ADGRV1: variants seen among roughly 807,000 people sequenced by gnomAD.
ADGRV1 encodes the protein adhesion G protein-coupled receptor V1.
Under a neutral mutation model 596.2 loss-of-function variants are expected in ADGRV1, and 359 were observed. The ratio of observed to expected loss-of-function variants is 0.60; its 90% CI spans 0.55 to 0.66. ADGRV1 has a LOEUF of 0.66. Among genes scored for constraint, ADGRV1 ranks in the 30% least tolerant of loss-of-function variants. The probability of loss-of-function intolerance (pLI) is 0.00; values close to 1 mark genes in which losing one functional copy is unlikely to be tolerated. For missense variants in ADGRV1, 7,274 were observed against 7,575.6 expected (o/e 0.96, Z 1.48); for synonymous variants, 2,681 against 2,679.2 (o/e 1.00, Z -0.02).
At chr5:91,163,184 G>A (rs1001455699) in intron 89 of ADGRV1, among the ~76,000 whole-genome samples, 8 of 152,220 alleles carry the variant, frequency 5.3e-5, no homozygotes, top group Non-Finnish European at 7.3e-5. Flanking sequence ...GTAGTTAACA[G>A]TAACTACTGT....
At chr5:91,159,526 T>A (rs1796767066) in intron 89 of ADGRV1, among the ~76,000 whole-genome samples, 2 of 152,206 alleles carry the variant, frequency 1.3e-5, no homozygotes, top group Admixed American at 6.5e-5. Context: ...GAAAACACTA[T>A]TGACGTTTTA....
intron 31 of ADGRV1, among the ~76,000 whole-genome samples, chr5:90,692,121 A>AC: frequency 6.6e-6 from 1 of 152,126 alleles, no homozygotes; most frequent in Non-Finnish European, 1.5e-5. Flanking sequence ...CACATAAAAA[A>AC]CATTTCTGTT....
intron 83 of ADGRV1, among the ~76,000 whole-genome samples, chr5:90,906,407 G>A (rs1772328033): frequency 6.6e-6 from 1 of 152,072 alleles, no homozygotes; most frequent in Admixed American, 6.6e-5. Flanking sequence ...CTCATTACTT[G>A]TTATTGGTCA....
intron 85 of ADGRV1, among the ~76,000 whole-genome samples, chr5:91,009,971 G>T (rs1782591841): frequency 6.6e-6 from 1 of 151,248 alleles, no homozygotes; most frequent in South Asian, 2.1e-4. Flanking sequence ...TTTAATTTTT[G>T]AGTTCCATTA....
intron 83 of ADGRV1, among the ~76,000 whole-genome samples, chr5:90,929,895 AACATT>A (rs1775057861): frequency 6.6e-6 from 1 of 152,172 alleles, no homozygotes; most frequent in South Asian, 2.1e-4. Context: ...ATCCTACAGA[AACATT>A]AAGAAATCAT....
chr5:91,151,408 G>A (rs1191060409), intron 88 of ADGRV1, among the ~76,000 whole-genome samples: 1 of 152,058 alleles, frequency 6.6e-6, no homozygotes, highest in Non-Finnish European at 1.5e-5. Flanking sequence ...TGATCAAAGG[G>A]TACAAAATTT....
intron 1 of ADGRV1, among the ~76,000 whole-genome samples, chr5:90,593,727 A>G (rs989806303): frequency 2.0e-5 from 3 of 152,070 alleles, no homozygotes; most frequent in African/African-American, 7.2e-5. Flanking sequence ...TTCTCCCGAA[A>G]CCCATTGAAA....
chr5:91,130,994 C>T lies in ADGRV1; in HGVS notation c.18433-19036C>T, dbSNP rs115489279. Among the ~76,000 whole-genome samples the T allele has an allele frequency of 4.1e-3, 624 of 152,298 alleles. 5 individuals are homozygous for T. Among genetic ancestry groups the T allele is most frequent in the African/African-American group, 0.014 (601 of 41,560 alleles). ...ATAGTATTCCGTGGTATATATGTAC[C>T]ACATTTTTCTTATCCAATCCACCAT... On this transcript the variant is annotated intron_variant, in intron 87 of 89. Coordinates refer to ENST00000405460, the MANE Select transcript of ADGRV1 (RefSeq NM_032119.4).
intron 83 of ADGRV1, among the ~76,000 whole-genome samples, chr5:90,866,755 A>G (rs377746316): frequency 2.0e-4 from 31 of 152,252 alleles, no homozygotes; most frequent in East Asian, 7.7e-4. Flanking sequence ...ATTCAGGGAC[A>G]TAAAATTAGC....
At chr5:90,668,257 G>T (rs1278693704) in intron 21 of ADGRV1, among the ~76,000 whole-genome samples, 2 of 152,096 alleles carry the variant, frequency 1.3e-5, no homozygotes, top group African/African-American at 4.8e-5. Flanking sequence ...CTAGCAATCA[G>T]CGAGACTCCA....
chr5:90,886,321 A>G (rs1286174166), intron 83 of ADGRV1, among the ~76,000 whole-genome samples: 1 of 152,094 alleles, frequency 6.6e-6, no homozygotes, highest in Non-Finnish European at 1.5e-5. Context: ...CTCCTGGCCA[A>G]CTACCAACTG....
At chr5:90,930,047 C>CAA (rs1561959075) in intron 83 of ADGRV1, among the ~76,000 whole-genome samples, 1 of 152,136 alleles carries the variant, frequency 6.6e-6, no homozygotes, top group Non-Finnish European at 1.5e-5. Context: ...GTTGGCTTTC[C>CAA]ATTTTAATGG....
rs551636383 is a variant in ADGRV1 at position 90,835,260 on chromosome 5, T to C, written c.16612-5318T>C. Among the ~76,000 whole-genome samples, 30 of 152,364 alleles carry C rather than the reference T, an allele frequency of 2.0e-4. No homozygotes were observed. In the South Asian group the frequency reaches 6.2e-3, roughly 32 times the overall value. ...GCAGCCATATCTGCATTAGGGGGCA[T>C]CCCAAGCCCAGTAATGCTGTTGCTC... On this transcript the variant is annotated intron_variant, in intron 77 of 89. Transcript: ENST00000405460.
chr5:91,134,027 C>G (rs555796945), intron 87 of ADGRV1, among the ~76,000 whole-genome samples: 1 of 152,154 alleles, frequency 6.6e-6, no homozygotes, highest in East Asian at 1.9e-4. Context: ...CTATATCAAG[C>G]CTATTAATTT....
At chr5:90,722,370 T>C (rs1046828701) in intron 45 of ADGRV1, among the ~76,000 whole-genome samples, 1 of 151,504 alleles carries the variant, frequency 6.6e-6, no homozygotes, top group East Asian at 1.9e-4. Context: ...TTAACACATT[T>C]TGAATTTGAG....
intron 74 of ADGRV1, among the ~76,000 whole-genome samples, chr5:90,812,897 C>T (rs1033787508): frequency 4.6e-5 from 7 of 151,456 alleles, no homozygotes; most frequent in East Asian, 3.9e-4. Context: ...TTTGGGAGGC[C>T]GAGTCGGGCG....
At chr5:90,582,806 GT>G (rs1473684639) in intron 1 of ADGRV1, among the ~76,000 whole-genome samples, 2 of 152,200 alleles carry the variant, frequency 1.3e-5, no homozygotes, top group African/African-American at 4.8e-5. Context: ...TTGTCTTCAA[GT>G]GATCCTCCTG....
intron 88 of ADGRV1, among the ~76,000 whole-genome samples, chr5:91,152,527 A>G (rs1001534276): frequency 6.6e-6 from 1 of 152,228 alleles, no homozygotes; most frequent in East Asian, 1.9e-4. Context: ...TTCCCCACAC[A>G]TGACAACATA....
At chr5:90,641,680 G>A (rs1315313483) in intron 11 of ADGRV1, among the ~76,000 whole-genome samples, 2 of 152,142 alleles carry the variant, frequency 1.3e-5, no homozygotes, top group Non-Finnish European at 2.9e-5. Flanking sequence ...TAGGAAGTGA[G>A]CTTTTTTTCT....
Sources: allele counts gnomAD v4.1 joint callset (sites outside exome capture counted in the v4.1 genomes callset), GRCh38; gene constraint gnomAD v4.1.1; transcripts MANE v1.5; gene names NCBI Gene and HGNC (gene_info 2026-07-23, HGNC 2026-07-21).